FAM13C: variants seen among roughly 807,000 people sequenced by gnomAD.
FAM13C encodes the protein protein FAM13C.
A neutral mutation model predicts 73.2 loss-of-function variants in FAM13C; 37 were observed. The observed-to-expected ratio is 0.51, with a 90% CI of 0.39 to 0.67. The LOEUF is 0.67. Ranked by LOEUF, FAM13C falls within the 30% of genes least tolerant of loss-of-function variation. FAM13C has a pLI of 0.00. For missense variants in FAM13C, 589 were observed against 715.6 expected, an observed-to-expected ratio of 0.82 and a Z score of 2.02; for synonymous variants, 246 against 260.9, an observed-to-expected ratio of 0.94 and a Z score of 0.55.
At chr10:59,352,143 G>C (rs1855125992) in intron 3 of FAM13C, 127 bp downstream of exon 3, 3 of 1,025,012 alleles carry the variant, frequency 2.9e-6, no homozygotes, top group Admixed American at 4.6e-5. Context: ...GGTCGGCAGA[G>C]CACGCAATGA....
In FAM13C at chr10:59,355,978, A is replaced by G. The variant is rs768858478; in HGVS notation, c.63-35T>C. 1.9e-6 allele frequency: 3 copies of G among 1,596,900 alleles called. No homozygotes were observed. The African/African-American group carries it at 4.0e-5, about 21-fold the overall frequency. On this transcript the variant is annotated intron_variant, in intron 1 of 13. Coordinates refer to ENST00000618804, the MANE Select transcript of FAM13C (RefSeq NM_198215.4). ...TGGGAAGAAAAATCACATCAGATCC[A>G]ATTGTCTGCTATAGCAGTAGTAGCA...
chr10:59,308,180 G>A lies in FAM13C; in HGVS notation c.444-5316C>T, dbSNP rs1227994397. On this transcript the variant is annotated intron_variant, in intron 4 of 13. Coordinates refer to ENST00000618804, the MANE Select transcript of FAM13C (RefSeq NM_198215.4). ...AAATGAGTCAGCCAGTCATAGTACTGTGCTAACTCCAGTGTAAGCTTGTCC... is the reference window on the plus strand; with the variant it reads ...AAATGAGTCAGCCAGTCATAGTACTATGCTAACTCCAGTGTAAGCTTGTCC... Among the ~76,000 whole-genome samples, 5 of 152,200 alleles carry A rather than the reference G, an allele frequency of 3.3e-5. No individual in the cohort carries two copies. The East Asian group carries it at 9.7e-4, about 29-fold the overall frequency.
chr10:59,350,615 T>C (rs1292233501), intron 3 of FAM13C, among the ~76,000 whole-genome samples: 2 of 152,242 alleles, frequency 1.3e-5, no homozygotes, highest in Non-Finnish European at 2.9e-5. Flanking sequence ...AGTTACACTC[T>C]GTTTAAGATC....
intron 2 of FAM13C, among the ~76,000 whole-genome samples, chr10:59,355,283 A>T (rs1354367326): frequency 6.6e-6 from 1 of 152,042 alleles, no homozygotes; most frequent in Non-Finnish European, 1.5e-5. Context: ...GCCTTCAACA[A>T]ATATTTGTTA....
chr10:59,249,785 C>G (rs1841193534), intron 13 of FAM13C, among the ~76,000 whole-genome samples: 1 of 152,130 alleles, frequency 6.6e-6, no homozygotes, highest in Admixed American at 6.5e-5. Context: ...TATATCATCA[C>G]AAGGGGGCAT....
At chr10:59,275,046 G>A (rs1214268837) in intron 6 of FAM13C, among the ~76,000 whole-genome samples, 1 of 152,202 alleles carries the variant, frequency 6.6e-6, no homozygotes, top group East Asian at 1.9e-4. Flanking sequence ...TAGTGGTACA[G>A]CTGATAAAAA....
At chr10:59,302,685 T>C (rs913628229) in intron 5 of FAM13C, 116 bp downstream of exon 5, 65 of 983,780 alleles carry the variant, frequency 6.6e-5, no homozygotes, top group Non-Finnish European at 8.8e-5. Flanking sequence ...ACAAGTTCAC[T>C]TAAAAGCAAA....
intron 5 of FAM13C, among the ~76,000 whole-genome samples, chr10:59,289,785 G>A (rs284601): frequency 0.99 from 150,511 of 152,188 alleles, 74,443 homozygotes; most frequent in Middle Eastern, 1. Context: ...AGAAAGATGA[G>A]GGACCCTTCA....
intron 4 of FAM13C, among the ~76,000 whole-genome samples, chr10:59,319,072 AACACAC>A (rs59965630): frequency 0.034 from 4,513 of 134,588 alleles, 140 homozygotes; most frequent in African/African-American, 0.088. Context: ...TAGCTATTCA[AACACAC>A]ACACACACAC....
intron 3 of FAM13C, among the ~76,000 whole-genome samples, chr10:59,324,447 A>T (rs1480224829): frequency 6.6e-6 from 1 of 152,130 alleles, no homozygotes; most frequent in Non-Finnish European, 1.5e-5. Context: ...TCATAGAAGA[A>T]TATTTATACT....
At chr10:59,255,445 G>T (rs908335044) in intron 10 of FAM13C, among the ~76,000 whole-genome samples, 1 of 151,978 alleles carries the variant, frequency 6.6e-6, no homozygotes, top group African/African-American at 2.4e-5. Context: ...CTATGTATCT[G>T]CCTATTTATC....
intron 5 of FAM13C, among the ~76,000 whole-genome samples, chr10:59,284,432 G>A (rs1845309079): frequency 6.6e-6 from 1 of 151,798 alleles, no homozygotes; most frequent in Non-Finnish European, 1.5e-5. Context: ...CGGGAGCAGA[G>A]CCACTGGTCC....
chr10:59,357,205 C>T (rs536322631), intron 1 of FAM13C, among the ~76,000 whole-genome samples: 1 of 152,160 alleles, frequency 6.6e-6, no homozygotes, highest in African/African-American at 2.4e-5. Context: ...ATACATATAT[C>T]CTATTAATTC....
rs1840728903 is a variant in FAM13C, at chr10:59,246,579, G to GT, written c.*1034dup. On this transcript the variant is annotated 3_prime_UTR_variant, in exon 14 of 14. Transcript: ENST00000618804. Reference sequence around the variant, plus strand: ...AAATGAAAATAATAAACATGTTTTCGTATAAAATAACACAAAATGATATAC... The same window carrying GT: ...AAATGAAAATAATAAACATGTTTTCGTTATAAAATAACACAAAATGATATAC... The GT allele has an allele frequency of 2.5e-6, 1 of 396,598 alleles. No individual in the cohort carries two copies. The highest frequency in any genetic ancestry group is 2.1e-5 in the African/African-American group (1 of 48,520). 24.6% of individuals were successfully genotyped at this position (396,598 alleles called of 1,614,324 possible).
At chr10:59,322,375 C>T (rs984513108) in intron 4 of FAM13C, among the ~76,000 whole-genome samples, 1 of 152,170 alleles carries the variant, frequency 6.6e-6, no homozygotes, top group African/African-American at 2.4e-5. Flanking sequence ...GTGCACAGAA[C>T]AGTCTGGAAT....
intron 5 of FAM13C, among the ~76,000 whole-genome samples, chr10:59,284,360 C>T (rs1329551777): frequency 2.0e-5 from 3 of 152,032 alleles, no homozygotes; most frequent in Non-Finnish European, 4.4e-5. Context: ...TCCCTCTCCA[C>T]GAGAAGGTTC....
At chr10:59,330,892 C>T (rs545669720) in intron 3 of FAM13C, among the ~76,000 whole-genome samples, 24 of 152,230 alleles carry the variant, frequency 1.6e-4, no homozygotes, top group South Asian at 6.2e-4. Flanking sequence ...GCCTGAGCCC[C>T]GAAATACACC....
At chr10:59,274,553 T>C (rs1021447039) in intron 6 of FAM13C, among the ~76,000 whole-genome samples, 1 of 152,124 alleles carries the variant, frequency 6.6e-6, no homozygotes, top group Non-Finnish European at 1.5e-5. Context: ...GTGGGAAATT[T>C]GTCACCCTGA....
At chr10:59,351,304 C>T (rs1212526312) in intron 3 of FAM13C, among the ~76,000 whole-genome samples, 2 of 139,104 alleles carry the variant, frequency 1.4e-5, no homozygotes, top group Non-Finnish European at 3.0e-5. Context: ...TGCACTCCAG[C>T]CTGGTTGACA....
Sources: allele counts gnomAD v4.1 joint callset (sites outside exome capture counted in the v4.1 genomes callset), GRCh38; gene constraint gnomAD v4.1.1; transcripts MANE v1.5; gene names NCBI Gene and HGNC (gene_info 2026-07-23, HGNC 2026-07-21).